Variants in ANXA8 observed in about 807,000 individuals in gnomAD.
ANXA8 encodes the protein VAC-beta.
ANXA8 carries 9 observed loss-of-function variants against 26.8 expected under a neutral mutation model. The ratio of observed to expected loss-of-function variants is 0.34; its 90% CI spans 0.20 to 0.59. ANXA8 has a LOEUF of 0.59. Ranked by LOEUF, ANXA8 falls within the 20% of genes least tolerant of loss-of-function variation. The probability of loss-of-function intolerance (pLI) is 0.84; values close to 1 mark genes in which losing one functional copy is unlikely to be tolerated. For synonymous variants in ANXA8, 39 were observed against 94.8 expected (o/e 0.41, Z 3.42); for missense variants, 83 against 238.5 (o/e 0.35, Z 4.29).
the ANXA8 span, among the ~76,000 whole-genome samples, chr10:47,648,245 C>T: frequency 7.5e-4 from 113 of 151,474 alleles, no homozygotes; most frequent in East Asian, 0.013. Flanking sequence ...AATAGCAGAA[C>T]GTAGCAGGAT....
At chr10:47,640,088 A>G in the ANXA8 span, among the ~76,000 whole-genome samples, 243 of 134,172 alleles carry the variant, frequency 1.8e-3, no homozygotes, top group Non-Finnish European at 2.8e-3. Context: ...CACTGCACCC[A>G]GCTGAGAAGG....
chr10:47,694,578 G>T, the ANXA8 span, among the ~76,000 whole-genome samples: 1 of 151,378 alleles, frequency 6.6e-6, no homozygotes, highest in African/African-American at 2.4e-5. Flanking sequence ...CCGCCACCAC[G>T]CCTGACTAAT....
At chr10:47,550,979 AAC>A in the ANXA8 span, 1 of 149,970 alleles carries the variant, frequency 6.7e-6, no homozygotes, top group South Asian at 2.1e-4. Context: ...TAGAGAGTAC[AAC>A]AGACAATATA....
the ANXA8 span, among the ~76,000 whole-genome samples, chr10:47,552,900 T>G: frequency 1.3e-5 from 2 of 151,856 alleles, no homozygotes; most frequent in Non-Finnish European, 2.9e-5. Flanking sequence ...GTATCTTCCG[T>G]GCCATGCAAT....
the ANXA8 span, among the ~76,000 whole-genome samples, chr10:47,681,344 G>T: frequency 3.3e-5 from 5 of 150,790 alleles, no homozygotes; most frequent in African/African-American, 9.7e-5. Flanking sequence ...ATGTCAAGGC[G>T]TAAGTAGCAA....
the ANXA8 span, chr10:47,565,241 C>G: frequency 1.7e-6 from 1 of 589,578 alleles, no homozygotes; most frequent in Non-Finnish European, 3.0e-6. Context: ...GGCCGGGGCC[C>G]CACTGCCATG....
At chr10:47,649,300 ACAT>A in the ANXA8 span, among the ~76,000 whole-genome samples, 5 of 151,658 alleles carry the variant, frequency 3.3e-5, no homozygotes, top group African/African-American at 1.2e-4. Context: ...ATTCCATTTC[ACAT>A]CCTCACAAAG....
chr10:47,744,431 A>ATGGGGGAAGGGGGGGGTGGGGGGGG, the ANXA8 span, among the ~76,000 whole-genome samples: 2 of 5,394 alleles, frequency 3.7e-4, no homozygotes, highest in African/African-American at 9.0e-4. Flanking sequence ...GTTGGGGGGG[A>ATGGGGGAAGGGGGGGGTGGGGGGGG]GGGGGGAAGA....
the ANXA8 span, among the ~76,000 whole-genome samples, chr10:47,694,402 C>G: frequency 6.7e-6 from 1 of 148,496 alleles, no homozygotes; most frequent in African/African-American, 2.5e-5. Context: ...TATATACCCC[C>G]AAACAGAAAT....
the ANXA8 span, among the ~76,000 whole-genome samples, chr10:47,894,391 CCA>C: frequency 2.3e-5 from 3 of 129,672 alleles, no homozygotes; most frequent in Admixed American, 7.8e-5. Context: ...ACGCCACACA[CCA>C]CACACACACA....
the ANXA8 span, among the ~76,000 whole-genome samples, chr10:47,989,661 T>G: frequency 1.1e-5 from 1 of 91,950 alleles, no homozygotes; most frequent in African/African-American, 3.4e-5. Context: ...ACTGAAAAGG[T>G]GACTCAGACC....
At chr10:47,894,883 A>G in the ANXA8 span, among the ~76,000 whole-genome samples, 10 of 151,928 alleles carry the variant, frequency 6.6e-5, no homozygotes, top group Non-Finnish European at 1.3e-4. Context: ...CCTACACAAT[A>G]CAACACACAC....
chr10:47,570,291 A>G, the ANXA8 span, among the ~76,000 whole-genome samples: 1 of 142,884 alleles, frequency 7.0e-6, no homozygotes, highest in Non-Finnish European at 1.5e-5. Flanking sequence ...ATACATAATT[A>G]TTTAATAAAA....
the ANXA8 span, among the ~76,000 whole-genome samples, chr10:47,526,639 TTTTAA>T: frequency 7.9e-6 from 1 of 127,144 alleles, no homozygotes; most frequent in African/African-American, 3.2e-5. Context: ...GCTGGGGTGG[TTTTAA>T]TTTTATTCTG....
At chr10:47,483,564 C>T (rs1839925104) in intron 1 of ANXA8, among the ~76,000 whole-genome samples, 2 of 139,362 alleles carry the variant, frequency 1.4e-5, no homozygotes, top group African/African-American at 5.7e-5. Context: ...GTGTGCACCC[C>T]ATACACATTT....
chr10:47,711,056 A>G, the ANXA8 span, among the ~76,000 whole-genome samples: 1 of 149,856 alleles, frequency 6.7e-6, no homozygotes, highest in African/African-American at 2.5e-5. Context: ...TTTCAGCCAG[A>G]GTACTCTGAT....
At chr10:47,488,712 AATTTTTTTTT>A (rs1297713162), upstream of ANXA8, among the ~76,000 whole-genome samples, 14 of 95,946 alleles carry the variant, frequency 1.5e-4, no homozygotes, top group African/African-American at 4.1e-4. Flanking sequence ...TTACATGTTA[AATTTTTTTTT>A]TTTTTTTTTT....
chr10:47,548,884 C>T, the ANXA8 span, among the ~76,000 whole-genome samples: 1 of 152,240 alleles, frequency 6.6e-6, no homozygotes, highest in African/African-American at 2.4e-5. Context: ...TAGATAATAC[C>T]TACTCACCTC....
the ANXA8 span, among the ~76,000 whole-genome samples, chr10:47,743,301 T>TATATAC: frequency 2.2e-4 from 9 of 41,354 alleles, 1 homozygote; most frequent in Non-Finnish European, 4.5e-4. Context: ...TATACACATA[T>TATATAC]ATATATATAT....
Sources: gnomAD v4.1 joint callset for allele counts (sites outside exome capture counted in the v4.1 genomes callset) on GRCh38, gnomAD v4.1.1 for gene constraint, MANE v1.5 for transcripts, NCBI Gene and HGNC (gene_info 2026-07-23, HGNC 2026-07-21) for gene names.